The following RARB variants were observed in gnomAD, a reference collection of about 807,000 sequenced individuals.
RARB encodes retinoic acid receptor beta.
RARB carries 17 observed loss-of-function variants against 51.9 expected under a neutral mutation model. The observed-to-expected ratio is 0.33, with a 90% CI of 0.22 to 0.49. The LOEUF (loss-of-function observed/expected upper bound fraction) is 0.49. Among genes scored for constraint, RARB ranks in the 20% least tolerant of loss-of-function variants. RARB has a pLI of 0.99. For synonymous variants in RARB, 215 were observed against 195.4 expected (o/e 1.10, Z -0.84); for missense variants, 369 against 550.8 (o/e 0.67, Z 3.30).
At chr3:24,953,642 G>A (rs1416886574) in intron 2 of RARB, among the ~76,000 whole-genome samples, 1 of 152,198 alleles carries the variant, frequency 6.6e-6, no homozygotes, top group African/African-American at 2.4e-5. Flanking sequence ...TGAATAGATA[G>A]TAGATAAATG....
rs546123599 is a variant in RARB, at chr3:25,036,747, G to A, written c.-379-23378G>A. ...AGAGCAATGGTCTGGTTAGGATGTC[G>A]AAAAGGCATCACTACAAGCCATGCA... On this transcript the variant is annotated intron_variant, in intron 2 of 11. Transcript: ENST00000383772. 2.2e-4 allele frequency among the ~76,000 whole-genome samples: 34 copies of A among 152,160 alleles called. 2 individuals carry two copies. Among genetic ancestry groups the A allele is most frequent in the Admixed American group, 1.4e-3 (22 of 15,288 alleles).
intron 3 of RARB, among the ~76,000 whole-genome samples, chr3:25,090,197 A>G (rs140812691): frequency 4.1e-4 from 63 of 152,286 alleles, no homozygotes; most frequent in African/African-American, 1.5e-3. Flanking sequence ...ACCTTTGCAT[A>G]TCATCAAAAA....
At chr3:24,962,153 T>C (rs1262890570) in intron 2 of RARB, among the ~76,000 whole-genome samples, 1 of 151,766 alleles carries the variant, frequency 6.6e-6, no homozygotes, top group Non-Finnish European at 1.5e-5. Flanking sequence ...ATAGTCTCGA[T>C]CTCCTGACCT....
intron 2 of RARB, among the ~76,000 whole-genome samples, chr3:24,864,479 C>T (rs1702813089): frequency 6.6e-6 from 1 of 152,182 alleles, no homozygotes; most frequent in African/African-American, 2.4e-5. Context: ...GCACCTTATT[C>T]TGTCTTCTGA....
At chr3:24,977,176 G>C (rs1006007500) in intron 2 of RARB, among the ~76,000 whole-genome samples, 1 of 152,154 alleles carries the variant, frequency 6.6e-6, no homozygotes, top group African/African-American at 2.4e-5. Flanking sequence ...TTGTAGTATA[G>C]TTTGAAGTCA....
intron 3 of RARB, among the ~76,000 whole-genome samples, chr3:25,124,994 G>A (rs1699839219): frequency 6.6e-6 from 1 of 152,146 alleles, no homozygotes; most frequent in South Asian, 2.1e-4. Flanking sequence ...AAACTTAACT[G>A]TTTAGCAACT....
chr3:25,043,518 A>G (rs934924879), intron 2 of RARB, among the ~76,000 whole-genome samples: 3 of 152,258 alleles, frequency 2.0e-5, no homozygotes, highest in African/African-American at 7.2e-5. Flanking sequence ...AATTTTAAGA[A>G]GGAAAAATTT....
At position 24,830,093 on chromosome 3, in the gene RARB, G is replaced by A. The variant is rs369143551; in HGVS notation, c.-459+690G>A. 3.9e-5 allele frequency among the ~76,000 whole-genome samples: 6 copies of A among 152,256 alleles called. No individual in the cohort carries two copies. The East Asian group carries it at 7.8e-4, about 20-fold the overall frequency. ...GGCTTGGCGCCGGACACAGGGACGC[G>A]GCCAGGGACCGAGCCCTGGAGGCTG... On this transcript the variant is annotated intron_variant, in intron 1 of 11. Coordinates refer to the RARB transcript ENST00000383772.
At chr3:25,414,130 A>C (rs1707639964) in intron 5 of RARB, among the ~76,000 whole-genome samples, 1 of 152,086 alleles carries the variant, frequency 6.6e-6, no homozygotes, top group Admixed American at 6.6e-5. Context: ...CATATATTAG[A>C]TTGCATTTCC....
intron 5 of RARB, among the ~76,000 whole-genome samples, chr3:25,325,038 G>A (rs1262019604): frequency 6.6e-6 from 1 of 152,192 alleles, no homozygotes; most frequent in Non-Finnish European, 1.5e-5. Context: ...TACTCCATAG[G>A]CAGAGCAGTG....
chr3:25,205,422 A>G (rs2125374104), intron 5 of RARB, among the ~76,000 whole-genome samples: 2 of 152,222 alleles, frequency 1.3e-5, no homozygotes, highest in East Asian at 3.9e-4. Context: ...GGTGCGCTGC[A>G]TCCACTGTCC....
intron 3 of RARB, among the ~76,000 whole-genome samples, chr3:25,097,641 C>T (rs1050279626): frequency 1.3e-5 from 2 of 152,122 alleles, no homozygotes; most frequent in African/African-American, 4.8e-5. Context: ...GAGACATCAT[C>T]TCTAAAAACA....
At chr3:25,316,588 C>A (rs1323053100) in intron 5 of RARB, among the ~76,000 whole-genome samples, 1 of 152,032 alleles carries the variant, frequency 6.6e-6, no homozygotes, top group African/African-American at 2.4e-5. Context: ...AGAGTGGGGA[C>A]AACAGATTTG....
rs759550346 is a variant in RARB, at chr3:25,196,038, T to C, written c.178+21463T>C. ...TTCGTGGTCAGCATGTATCTATAGG[T>C]TATCAAGTATCTCATTAATAGAATC... On this transcript the variant is annotated intron_variant, in intron 5 of 11. Transcript: ENST00000383772. Among the ~76,000 whole-genome samples, 98 of 152,040 alleles carry C rather than the reference T, an allele frequency of 6.4e-4. 5 individuals carry two copies. Among genetic ancestry groups the C allele is most frequent in the Non-Finnish European group, 3.5e-4 (24 of 67,944 alleles).
intron 2 of RARB, among the ~76,000 whole-genome samples, chr3:25,482,755 G>A (rs1383508568): frequency 6.6e-6 from 1 of 151,556 alleles, no homozygotes; most frequent in African/African-American, 2.4e-5. Context: ...TAGCCAGGAT[G>A]GTCTCGATCT....
rs1698256502 is a variant in RARB, at chr3:25,048,271, C to T, written c.-379-11854C>T. ...AAGCACTGGATTGAAAAATGGTTAA[C>T]TTGGTGATTTGGGCCATCTAAGTTA... On this transcript the variant is annotated intron_variant, in intron 2 of 11. Coordinates refer to the RARB transcript ENST00000383772. Among the ~76,000 whole-genome samples, 4 of 152,228 alleles carry T rather than the reference C, an allele frequency of 2.6e-5. No individual in the cohort carries two copies. The Middle Eastern group carries it at 0.01, about 388-fold the overall frequency.
In RARB at chr3:24,912,767, T is replaced by G. The variant is rs1328810104; in HGVS notation, c.-380+54015T>G. Among the ~76,000 whole-genome samples, 3 of 152,118 alleles carry G rather than the reference T, an allele frequency of 2.0e-5. No homozygotes were observed. The East Asian group carries it at 5.8e-4, about 29-fold the overall frequency. On this transcript the variant is annotated intron_variant, in intron 2 of 11. Transcript: ENST00000383772. The stretch of plus-strand genomic sequence containing the variant: ...ATTCTATGAATGTTCTTAATAATTA[T>G]CATATAGAAAAGGAGGTTAGAAAGA...
chr3:25,404,097 A>G lies in RARB; in HGVS notation c.179-57096A>G, dbSNP rs139663056. ...TTATTTAGAAATTGCTCATGCTTCA[A>G]CTGCTCGATTCTGATTTGAGGAAAG... is the stretch of plus-strand genomic sequence containing the variant. On this transcript the variant is annotated intron_variant, in intron 5 of 11. Coordinates refer to the RARB transcript ENST00000383772. Among the ~76,000 whole-genome samples the G allele has an allele frequency of 2.8e-3, 423 of 152,244 alleles. 4 individuals are homozygous for G. The highest frequency in any genetic ancestry group is 9.5e-3 in the African/African-American group (394 of 41,536).
intron 2 of RARB, among the ~76,000 whole-genome samples, chr3:24,990,906 A>G (rs894768090): frequency 6.6e-6 from 1 of 152,232 alleles, no homozygotes; most frequent in East Asian, 1.9e-4. Context: ...AAAGTTTAAA[A>G]TTTTGGCCTA....
Sources: allele counts gnomAD v4.1 joint callset (sites outside exome capture counted in the v4.1 genomes callset), GRCh38; gene constraint gnomAD v4.1.1; transcripts MANE v1.5; gene names NCBI Gene and HGNC (gene_info 2026-07-23, HGNC 2026-07-21).